Variants in C16orf96 observed in about 807,000 individuals in gnomAD.
The protein encoded by C16orf96 is chromosome 16 open reading frame 96.
Under a neutral mutation model 103.6 loss-of-function variants are expected in C16orf96, and 108 were observed. The observed-to-expected ratio is 1.04, with a 90% CI of 0.89 to 1.22. The LOEUF (loss-of-function observed/expected upper bound fraction) is 1.22, where lower values mean the gene tolerates loss of function less well. Among genes scored for constraint, C16orf96 ranks in the 50% most tolerant of loss-of-function variants. The pLI, the probability that C16orf96 is intolerant of heterozygous loss-of-function variation, is 0.00. For missense variants in C16orf96, 1,586 were observed against 1,464.2 expected, an observed-to-expected ratio of 1.08 and a Z score of -1.36; for synonymous variants, 566 against 593.5, an observed-to-expected ratio of 0.95 and a Z score of 0.67.
At chr16:4,553,766 C>G (rs768011762), upstream of C16orf96, among the ~76,000 whole-genome samples, 3 of 152,150 alleles carry the variant, frequency 2.0e-5, no homozygotes, top group African/African-American at 7.2e-5. Flanking sequence ...TGAGCCACAG[C>G]GCCTGACTGC....
At chr16:4,563,203 C>T (rs916395621) in intron 1 of C16orf96, 8 of 626,992 alleles carry the variant, frequency 1.3e-5, no homozygotes, top group Middle Eastern at 4.8e-4. Flanking sequence ...TCGCTTCGCT[C>T]GGCTCTAGCA....
intron 15 of C16orf96, 34 bp from the exon 16 acceptor site, chr16:4,600,066 G>T: frequency 6.5e-7 from 1 of 1,535,734 alleles, no homozygotes; most frequent in African/African-American, 1.4e-5. Flanking sequence ...AAGGTTCTTG[G>T]CACACATCTA....
intron 1 of C16orf96, among the ~76,000 whole-genome samples, chr16:4,568,192 C>A (rs2059401794): frequency 6.6e-6 from 1 of 152,116 alleles, no homozygotes; most frequent in Middle Eastern, 3.4e-3. Context: ...GCATGAGCCA[C>A]CATACCTGGC....
At chr16:4,569,662 G>A (rs1368835034) in intron 1 of C16orf96, among the ~76,000 whole-genome samples, 1 of 149,536 alleles carries the variant, frequency 6.7e-6, no homozygotes, top group Non-Finnish European at 1.5e-5. Flanking sequence ...AACCCGGGAG[G>A]TGAAGGTTGC....
At chr16:4,581,141 CATATATAT>C (rs58065868) in intron 7 of C16orf96, among the ~76,000 whole-genome samples, 1,851 of 46,728 alleles carry the variant, frequency 0.04, 42 homozygotes, top group African/African-American at 0.048. Context: ...TATATGTATA[CATATATAT>C]ATATATATAT....
chr16:4,570,277 C>G lies in C16orf96; in HGVS notation c.421-1284C>G, dbSNP rs141552641. Among the ~76,000 whole-genome samples, 93 of 152,194 alleles carry G rather than the reference C, an allele frequency of 6.1e-4. 1 individual carries two copies. The East Asian group carries it at 0.015, about 24-fold the overall frequency. ...CAGACCTTGCTCATGGTAACTGAAC[C>G]CTGCAATGCAGCGAGCAACCAACGT... On this transcript the variant is annotated intron_variant, in intron 1 of 15. Coordinates refer to ENST00000444310, the MANE Select transcript of C16orf96 (RefSeq NM_001145011.2).
At chr16:4,580,914 C>T (rs1034590541) in intron 7 of C16orf96, among the ~76,000 whole-genome samples, 31 of 151,226 alleles carry the variant, frequency 2.0e-4, no homozygotes, top group Admixed American at 1.6e-3. Flanking sequence ...CATCTGAGAT[C>T]GGGAGTTCGA....
chr16:4,561,070 G>A (rs952801986), intron 1 of C16orf96: 1 of 151,910 alleles, frequency 6.6e-6, no homozygotes, highest in Non-Finnish European at 1.5e-5. Flanking sequence ...GCTTGAACCT[G>A]GGAGGTGGAG....
At position 4,575,994 on chromosome 16, in the gene C16orf96, A is replaced by G. The variant is rs959943053; in HGVS notation, c.1514A>G (p.Lys505Arg). 4.5e-6 allele frequency: 7 copies of G among 1,550,118 alleles called. No individual in the cohort carries two copies. The African/African-American group carries it at 6.9e-5, about 15-fold the overall frequency. ...KDVDPKDRAH[K>R]DDVPKDRGGK... Reference sequence around the variant, plus strand: ...GTGGACCCCAAGGATAGAGCTCACAAGGATGATGTCCCCAAAGATAGAGGT... The same window carrying G: ...GTGGACCCCAAGGATAGAGCTCACAGGGATGATGTCCCCAAAGATAGAGGT... The change falls in exon 5 of 16, where the codon AAG becomes AGG. Residue 505 changes from lysine (K) to arginine (R), a missense_variant. By Grantham distance (26) the Lys-to-Arg change is conservative. Coordinates refer to ENST00000444310, the MANE Select transcript of C16orf96 (RefSeq NM_001145011.2).
At chr16:4,549,215 C>T in the C16orf96 span, among the ~76,000 whole-genome samples, 145,260 of 151,810 alleles carry the variant, frequency 0.96, 69,851 homozygotes, top group South Asian at 1. Flanking sequence ...TGGCTCACGC[C>T]TGTAATCCCA....
At chr16:4,579,355 C>A (rs1774580648) in intron 6 of C16orf96, among the ~76,000 whole-genome samples, 1 of 151,972 alleles carries the variant, frequency 6.6e-6, no homozygotes, top group African/African-American at 2.4e-5. Flanking sequence ...GAGTTCAAGA[C>A]CAGCCTGGGC....
At position 4,579,079 on chromosome 16, in the gene C16orf96, G is replaced by A. The variant is rs2059550026; in HGVS notation, c.2241+54G>A. 2.7e-6 allele frequency: 4 copies of A among 1,466,114 alleles called. No homozygotes were observed. The South Asian group carries it at 3.7e-5, about 13-fold the overall frequency. 90.8% of individuals were successfully genotyped at this position (1,466,114 alleles called of 1,614,324 possible). A position where few individuals can be genotyped will look rare whatever the true frequency, so the allele number is the denominator to read the frequency against. On this transcript the variant is annotated intron_variant, in intron 6 of 15. Coordinates refer to ENST00000444310, the MANE Select transcript of C16orf96 (RefSeq NM_001145011.2). Reference sequence around the variant, plus strand: ...GGCAGTGATGGCTTGAGGTGAGCTGGCTGAAGACTCCTTGACTCTGCCCCC... The same window carrying A: ...GGCAGTGATGGCTTGAGGTGAGCTGACTGAAGACTCCTTGACTCTGCCCCC...
rs555282132 is a variant in C16orf96, at chr16:4,588,135, GC to G, written c.2428-30del. 5.8e-5 allele frequency: 90 copies of G among 1,541,566 alleles called. No homozygotes were observed. In the African/African-American group the frequency reaches 1.1e-3, roughly 19 times the overall value. ...AGCTTTGCCTTCCTCCATCCCAGCA[GC>G]CATGCCTCCCTGAACTCCCTGTCTC... is the stretch of plus-strand genomic sequence containing the variant. On this transcript the variant is annotated intron_variant, in intron 8 of 15. Coordinates refer to ENST00000444310, the MANE Select transcript of C16orf96 (RefSeq NM_001145011.2).
intron 4 of C16orf96, 35 bp downstream of exon 4, chr16:4,575,093 C>T: frequency 6.4e-7 from 1 of 1,550,526 alleles, no homozygotes; most frequent in South Asian, 1.2e-5. Flanking sequence ...TAGCAGGAAG[C>T]TGGGGAGCAG....
chr16:4,591,954 A>C (rs1897069043), intron 10 of C16orf96, among the ~76,000 whole-genome samples, 170 bp downstream of exon 10: 1 of 152,098 alleles, frequency 6.6e-6, no homozygotes, highest in East Asian at 1.9e-4. Context: ...GAGCTGGCAG[A>C]GGTGATCCAG....
In C16orf96 at chr16:4,563,797, G is replaced by A. The variant is rs1012912865; in HGVS notation, c.420+6888G>A. Among the ~76,000 whole-genome samples, 19 of 149,170 alleles carry A rather than the reference G, an allele frequency of 1.3e-4. 1 individual carries two copies. The highest frequency in any genetic ancestry group is 6.2e-4 in the East Asian group (3 of 4,874). On this transcript the variant is annotated intron_variant, in intron 1 of 15. Transcript: ENST00000444310. ...TTGGCCAGGCTGGTCTTGAACTCCC[G>A]AGCTCAGGTGATCCACCCGCCTGGG...
At chr16:4,569,471 G>A (rs1426138126) in intron 1 of C16orf96, among the ~76,000 whole-genome samples, 3 of 151,994 alleles carry the variant, frequency 2.0e-5, no homozygotes, top group Admixed American at 2.0e-4. Flanking sequence ...TGCAAAGAGA[G>A]GCCTGGTGAG....
upstream of C16orf96, among the ~76,000 whole-genome samples, chr16:4,554,435 C>T (rs534798688): frequency 6.6e-6 from 1 of 151,704 alleles, no homozygotes; most frequent in South Asian, 2.1e-4. Flanking sequence ...ACTGCAAGCT[C>T]CGCCTCCCAG....
chr16:4,593,984 G>A lies in C16orf96; in HGVS notation c.2868-367G>A, dbSNP rs1043854721. ...TGCTGTGGGGACGTCTGGCCAGGTG[G>A]GGGAAGAACCGGTGAATCGTCACCA... On this transcript the variant is annotated intron_variant, in intron 12 of 15. Coordinates refer to ENST00000444310, the MANE Select transcript of C16orf96 (RefSeq NM_001145011.2). This position sits in a 1 kb window ranked among gnomAD's most constrained non-coding sequence, Gnocchi z 4.2. Among the ~76,000 whole-genome samples, 3 of 152,168 alleles carry A rather than the reference G, an allele frequency of 2.0e-5. No homozygotes were observed. Among genetic ancestry groups the A allele is most frequent in the African/African-American group, 7.2e-5 (3 of 41,444 alleles).
Sources: allele counts gnomAD v4.1 joint callset (sites outside exome capture counted in the v4.1 genomes callset), GRCh38; gene constraint gnomAD v4.1.1; non-coding constraint Gnocchi (gnomAD v3.1); transcripts MANE v1.5; gene names NCBI Gene and HGNC (gene_info 2026-07-23, HGNC 2026-07-21).